ADAMTS17: variants seen among roughly 807,000 people sequenced by gnomAD.
The protein encoded by ADAMTS17 is ADAM metallopeptidase with thrombospondin type 1 motif 17.
ADAMTS17 carries 113 observed loss-of-function variants against 141.5 expected under a neutral mutation model. The observed-to-expected ratio is 0.80, with a 90% CI of 0.69 to 0.93. The LOEUF (loss-of-function observed/expected upper bound fraction) is 0.93, where lower values mean the gene tolerates loss of function less well. Ranked by LOEUF, ADAMTS17 falls within the 40% of genes least tolerant of loss-of-function variation. ADAMTS17 has a pLI of 0.00. For missense variants in ADAMTS17, 1,659 were observed against 1,517.9 expected (o/e 1.09, Z -1.54); for synonymous variants, 768 against 630.6 (o/e 1.22, Z -3.27).
intron 15 of ADAMTS17, among the ~76,000 whole-genome samples, chr15:100,061,481 T>C (rs1274442210): frequency 1.3e-5 from 2 of 152,176 alleles, no homozygotes; most frequent in African/African-American, 2.4e-5. Context: ...TGAGGGACGA[T>C]CACAAGAGCT....
chr15:100,010,323 T>C (rs1244283977), intron 18 of ADAMTS17, among the ~76,000 whole-genome samples: 1 of 152,174 alleles, frequency 6.6e-6, no homozygotes, highest in East Asian at 1.9e-4. Flanking sequence ...GAGGACTGAA[T>C]GATAAGTAAA....
chr15:100,261,108 A>G (rs2043499728), intron 6 of ADAMTS17, among the ~76,000 whole-genome samples: 1 of 152,182 alleles, frequency 6.6e-6, no homozygotes, highest in South Asian at 2.1e-4. Context: ...ATGTGACCCT[A>G]TGTGGAAAAA....
intron 15 of ADAMTS17, among the ~76,000 whole-genome samples, chr15:100,067,113 C>T (rs1390347206): frequency 2.6e-5 from 4 of 152,102 alleles, no homozygotes; most frequent in Non-Finnish European, 4.4e-5. Context: ...ATTGAGAAGG[C>T]AGCCATCCTT....
At chr15:100,004,469 G>C (rs1336445730) in intron 18 of ADAMTS17, among the ~76,000 whole-genome samples, 1 of 152,154 alleles carries the variant, frequency 6.6e-6, no homozygotes, top group Non-Finnish European at 1.5e-5. Context: ...ATTTGGGAAA[G>C]GAACTGTAGT....
intron 18 of ADAMTS17, among the ~76,000 whole-genome samples, chr15:100,043,621 C>G (rs2031444155): frequency 6.6e-6 from 1 of 152,092 alleles, no homozygotes; most frequent in East Asian, 1.9e-4. Flanking sequence ...TTTGGACAAC[C>G]CAAGGGCGAA....
chr15:100,288,997 A>G (rs2044540673), intron 3 of ADAMTS17, among the ~76,000 whole-genome samples: 1 of 152,192 alleles, frequency 6.6e-6, no homozygotes, highest in African/African-American at 2.4e-5. Flanking sequence ...AGAAATAACC[A>G]AAATCACAGC....
chr15:100,224,440 A>G (rs1402941157), intron 7 of ADAMTS17, among the ~76,000 whole-genome samples: 1 of 152,186 alleles, frequency 6.6e-6, no homozygotes, highest in Non-Finnish European at 1.5e-5. Flanking sequence ...TACAAGGGTA[A>G]AAGAATTGAG....
intron 3 of ADAMTS17, among the ~76,000 whole-genome samples, chr15:100,295,713 C>G (rs1232740421): frequency 6.6e-6 from 1 of 152,190 alleles, no homozygotes; most frequent in African/African-American, 2.4e-5. Context: ...CAGACACTGA[C>G]ACTGACATAA....
intron 15 of ADAMTS17, among the ~76,000 whole-genome samples, chr15:100,094,754 A>C (rs1264221869): frequency 6.6e-6 from 1 of 152,228 alleles, no homozygotes; most frequent in South Asian, 2.1e-4. Context: ...GTAAGTAGTA[A>C]TCCTTTACCA....
chr15:100,086,186 A>T (rs1250231171), intron 15 of ADAMTS17, among the ~76,000 whole-genome samples: 1 of 152,142 alleles, frequency 6.6e-6, no homozygotes, highest in African/African-American at 2.4e-5. Flanking sequence ...AAAAAGGCAG[A>T]GGTTGCAATC....
At chr15:100,185,482 C>T (rs1405363098) in intron 8 of ADAMTS17, among the ~76,000 whole-genome samples, 8 of 152,200 alleles carry the variant, frequency 5.3e-5, no homozygotes, top group Admixed American at 3.9e-4. Flanking sequence ...GATCAGAGAT[C>T]AATTCAAACC....
intron 4 of ADAMTS17, among the ~76,000 whole-genome samples, chr15:100,276,653 C>A (rs1323959363): frequency 6.6e-6 from 1 of 152,064 alleles, no homozygotes; most frequent in Non-Finnish European, 1.5e-5. Flanking sequence ...CTTAAGGAGA[C>A]AGAGCCACTC....
intron 15 of ADAMTS17, among the ~76,000 whole-genome samples, chr15:100,081,625 C>T (rs1023872937): frequency 4.6e-5 from 7 of 152,304 alleles, no homozygotes; most frequent in African/African-American, 1.4e-4. Flanking sequence ...CTGTGAGAAT[C>T]ACTGAGACAA....
intron 8 of ADAMTS17, among the ~76,000 whole-genome samples, chr15:100,180,404 C>G (rs942788530): frequency 6.6e-6 from 1 of 152,148 alleles, no homozygotes; most frequent in African/African-American, 2.4e-5. Flanking sequence ...AATACCCATG[C>G]CATTTTGGTT....
intron 16 of ADAMTS17, among the ~76,000 whole-genome samples, chr15:100,053,324 G>A (rs929087769): frequency 3.3e-5 from 5 of 152,218 alleles, no homozygotes; most frequent in Non-Finnish European, 4.4e-5. Context: ...GTAAGACGGC[G>A]CCCTGGCCTG....
rs557153077 is a variant in ADAMTS17, at chr15:100,116,871, G to C, written c.1864C>G (p.Leu622Val). The C allele has an allele frequency of 2.5e-6, 4 of 1,614,188 alleles. No individual in the cohort carries two copies. The Admixed American group carries it at 5.0e-5, about 20-fold the overall frequency. ...HDRLSPKKKG[L>V]LTAVVVDDKP... is the part of the protein sequence containing the mutation. ...CCGTCAACCACCACGGCTGTCAGCA[G>C]GCCTTTCTTCTTGGGGCTCAGCCGG... The change falls in exon 13 of 22, where the codon CTG becomes GTG. Residue 622 changes from leucine to valine, a missense_variant. Coordinates refer to ENST00000268070, the MANE Select transcript of ADAMTS17 (RefSeq NM_139057.4).
At chr15:100,220,639 T>G (rs2042105140) in intron 7 of ADAMTS17, among the ~76,000 whole-genome samples, 1 of 152,180 alleles carries the variant, frequency 6.6e-6, no homozygotes, top group Non-Finnish European at 1.5e-5. Context: ...ATCACTCTTA[T>G]AGCTAGGGTG....
intron 7 of ADAMTS17, among the ~76,000 whole-genome samples, chr15:100,215,936 C>T (rs765849941): frequency 6.6e-6 from 1 of 152,110 alleles, no homozygotes; most frequent in Admixed American, 6.5e-5. Flanking sequence ...AGAGCTGACT[C>T]GGGAGTCCCT....
At chr15:100,156,776 AG>A (rs1319714977) in intron 8 of ADAMTS17, among the ~76,000 whole-genome samples, 1 of 152,220 alleles carries the variant, frequency 6.6e-6, no homozygotes, top group African/African-American at 2.4e-5. Flanking sequence ...ATCTGCTCCA[AG>A]GCTGCTTCAC....
Sources: allele counts gnomAD v4.1 joint callset (sites outside exome capture counted in the v4.1 genomes callset), GRCh38; gene constraint gnomAD v4.1.1; transcripts MANE v1.5; gene names NCBI Gene and HGNC (gene_info 2026-07-23, HGNC 2026-07-21).